MYPN: variants seen among roughly 807,000 people sequenced by gnomAD.
The protein encoded by MYPN is myopalladin.
In MYPN, 63 loss-of-function variants were observed where a neutral mutation model predicts 129.4. The observed-to-expected ratio is 0.49, with a 90% CI of 0.40 to 0.60. The LOEUF is 0.60. Ranked by LOEUF, MYPN falls within the 20% of genes least tolerant of loss-of-function variation. MYPN has a pLI of 0.00. For missense variants in MYPN, 1,596 were observed against 1,635.4 expected, an observed-to-expected ratio of 0.98 and a Z score of 0.42; for synonymous variants, 629 against 600.9, an observed-to-expected ratio of 1.05 and a Z score of -0.68.
chr10:68,103,635 G>A (rs2041992343), upstream of MYPN, among the ~76,000 whole-genome samples: 2 of 152,146 alleles, frequency 1.3e-5, no homozygotes, highest in African/African-American at 4.8e-5. Flanking sequence ...CCATTGAAAA[G>A]AGAGTGAGTT....
intron 2 of MYPN, among the ~76,000 whole-genome samples, chr10:68,130,035 A>T (rs1386456686): frequency 2.0e-5 from 3 of 152,212 alleles, no homozygotes; most frequent in African/African-American, 4.8e-5. Flanking sequence ...CCGCAGTTAC[A>T]AATGAGGTTG....
intron 12 of MYPN, among the ~76,000 whole-genome samples, chr10:68,182,364 TATATATAACATATATAACAC>T (rs1564686860): frequency 1.3e-4 from 16 of 119,746 alleles, no homozygotes; most frequent in African/African-American, 4.3e-4. Context: ...ATATAACACA[TATATATAACATATATAACAC>T]ATATATAACA....
chr10:68,196,268 T>C (rs2043602551), intron 15 of MYPN, among the ~76,000 whole-genome samples: 1 of 152,186 alleles, frequency 6.6e-6, no homozygotes, highest in South Asian at 2.1e-4. Context: ...TTGTCTCCAA[T>C]ACAACAACTG....
At position 68,165,416 on chromosome 10, in the gene MYPN, C is replaced by T. The variant is rs182150992; in HGVS notation, c.1484-286C>T. ...GCAGTGAGCCGAGATCTTGCCACTG[C>T]GCTCCAGCCTGGGCAACAGAGCGAG... On this transcript the variant is annotated intron_variant, in intron 8 of 19. Coordinates refer to ENST00000358913, the MANE Select transcript of MYPN (RefSeq NM_032578.4). 544 of 481,628 alleles carry T rather than the reference C, an allele frequency of 1.1e-3. 5 individuals are homozygous for T. Among genetic ancestry groups the T allele is most frequent in the African/African-American group, 8.5e-3 (437 of 51,172 alleles). 29.8% of individuals were successfully genotyped at this position (481,628 alleles called of 1,614,324 possible).
At chr10:68,105,469 G>C (rs1201354606), upstream of MYPN, among the ~76,000 whole-genome samples, 1 of 152,170 alleles carries the variant, frequency 6.6e-6, no homozygotes, top group Non-Finnish European at 1.5e-5. Context: ...ATACCTTGAG[G>C]AGTACATACA....
At chr10:68,161,651 T>A in intron 7 of MYPN, 78 bp from the exon 8 acceptor site, 1 of 1,171,562 alleles carries the variant, frequency 8.5e-7, no homozygotes, top group South Asian at 1.3e-5. Context: ...ACTGTGAAAT[T>A]CTATAGGAAG....
intron 12 of MYPN, among the ~76,000 whole-genome samples, chr10:68,177,498 G>A (rs2043245690): frequency 6.6e-6 from 1 of 152,196 alleles, no homozygotes. Flanking sequence ...GATGGCAGAT[G>A]TTGACTCTGA....
At chr10:68,099,128 AAGTCTC>A (rs1437290186) in intron 1 of MYPN, among the ~76,000 whole-genome samples, 77 of 152,280 alleles carry the variant, frequency 5.1e-4, no homozygotes, top group Admixed American at 3.5e-3. Flanking sequence ...AAGCTGTTGT[AAGTCTC>A]ATTTGGCACA....
intron 2 of MYPN, among the ~76,000 whole-genome samples, chr10:68,124,799 T>A (rs2042301117): frequency 6.6e-6 from 1 of 152,130 alleles, no homozygotes; most frequent in Non-Finnish European, 1.5e-5. Context: ...TGGCCTAAGA[T>A]GTAGCAAAGG....
chr10:68,097,774 AT>A lies in MYPN; in HGVS notation c.-2+9785del, dbSNP rs1291518102. Among the ~76,000 whole-genome samples, 4 of 105,036 alleles carry A rather than the reference AT, an allele frequency of 3.8e-5. No homozygotes were observed. The East Asian group carries it at 1.2e-3, about 31-fold the overall frequency. 68.9% of individuals were successfully genotyped at this position (105,036 alleles called of 152,430 possible). Reference sequence around the variant, plus strand: ...CTTTTATCATCTTACTATATAGCTGATTTAAAAAAAAAAAAATCCGTGTCCA... The same window carrying A: ...CTTTTATCATCTTACTATATAGCTGATTAAAAAAAAAAAAATCCGTGTCCA... On this transcript the variant is annotated intron_variant, in intron 1 of 6. Coordinates refer to the MYPN transcript ENST00000685154.
At chr10:68,167,679 G>A (rs927918411) in intron 10 of MYPN, among the ~76,000 whole-genome samples, 1 of 152,190 alleles carries the variant, frequency 6.6e-6, no homozygotes, top group Middle Eastern at 3.2e-3. Context: ...ACCATGAGAT[G>A]TTCACTAGAA....
At chr10:68,198,585 A>AC (rs2043651185) in intron 16 of MYPN, among the ~76,000 whole-genome samples, 2 of 151,750 alleles carry the variant, frequency 1.3e-5, no homozygotes, top group Non-Finnish European at 2.9e-5. Context: ...TGATTGCTAC[A>AC]TCCCCCTCCC....
intron 13 of MYPN, among the ~76,000 whole-genome samples, chr10:68,189,680 G>T (rs1199963862): frequency 6.6e-6 from 1 of 152,178 alleles, no homozygotes; most frequent in Non-Finnish European, 1.5e-5. Flanking sequence ...CCATGTTGCT[G>T]CAAATGATGG....
chr10:68,191,139 C>T (rs764290737), intron 13 of MYPN, among the ~76,000 whole-genome samples: 8 of 151,490 alleles, frequency 5.3e-5, no homozygotes, highest in Non-Finnish European at 8.8e-5. Flanking sequence ...CAGCTTTGAT[C>T]TTTTTGCTCA....
chr10:68,142,133 A>C (rs1369286075), intron 2 of MYPN, among the ~76,000 whole-genome samples: 3 of 152,248 alleles, frequency 2.0e-5, no homozygotes, highest in Non-Finnish European at 4.4e-5. Context: ...CAGTACTGGC[A>C]GACTTCTTTC....
chr10:68,184,355 C>T (rs546285507), intron 12 of MYPN, among the ~76,000 whole-genome samples: 1 of 152,308 alleles, frequency 6.6e-6, no homozygotes, highest in South Asian at 2.1e-4. Context: ...GGATCGGATG[C>T]ATGAATGACC....
intron 18 of MYPN, among the ~76,000 whole-genome samples, chr10:68,205,581 G>A (rs562747606): frequency 1.3e-5 from 2 of 151,920 alleles, no homozygotes; most frequent in East Asian, 3.9e-4. Flanking sequence ...CAGCTACTTG[G>A]AAAGCTGAGG....
Position 68,210,348 on chromosome 10 carries a change from T to A in MYPN, c.3856T>A (p.Ser1286Thr). The change falls in exon 20 of 20, where the codon TCT (serine) becomes ACT (threonine). Residue 1286 changes from serine (S) to threonine (T), a missense_variant. By Grantham distance (58) the Ser-to-Thr change is moderately conservative (BLOSUM62 1). Transcript: ENST00000358913. ...SVRPSGSRYG[S>T]LTSKGLDIFS... The stretch of plus-strand genomic sequence containing the variant: ...CCGGCCCAGTGGCAGTCGCTACGGA[T>A]CTCTCACCAGTAAAGGACTTGACAT... 6.2e-7 allele frequency: 1 copy of A among 1,614,130 alleles called. No individual in the cohort carries two copies. The highest frequency in any genetic ancestry group is 2.2e-5 in the East Asian group (1 of 44,880).
chr10:68,183,421 C>T (rs768942394), intron 12 of MYPN, among the ~76,000 whole-genome samples: 7 of 152,138 alleles, frequency 4.6e-5, no homozygotes, highest in Admixed American at 1.3e-4. Context: ...AAGATCACAC[C>T]GCTGCACTCC....
Sources: allele counts gnomAD v4.1 joint callset (sites outside exome capture counted in the v4.1 genomes callset), GRCh38; gene constraint gnomAD v4.1.1; transcripts MANE v1.5; gene names NCBI Gene and HGNC (gene_info 2026-07-23, HGNC 2026-07-21).